Variants in ZMYND11 observed in about 807,000 individuals in gnomAD.
ZMYND11 encodes the protein zinc finger MYND-type containing 11.
In ZMYND11, 9 loss-of-function variants were observed where a neutral mutation model predicts 84.9. The observed-to-expected ratio is 0.11, with a 90% CI of 0.06 to 0.18. The LOEUF is 0.18. ZMYND11 is among the 10% of genes least tolerant of loss of function. ZMYND11 has a pLI of 1.00. For synonymous variants in ZMYND11, 250 were observed against 244.1 expected, an observed-to-expected ratio of 1.02 and a Z score of -0.23; for missense variants, 409 against 761.0, an observed-to-expected ratio of 0.54 and a Z score of 5.44.
Position 224,270 on chromosome 10 carries a change from A to C in ZMYND11, c.438+2914A>C, listed in dbSNP as rs76244380. Among the ~76,000 whole-genome samples the C allele has an allele frequency of 9.9e-4, 151 of 152,310 alleles. 3 individuals are homozygous for C. The East Asian group carries it at 0.021, about 21-fold the overall frequency. ...TATCTTACGTATCTATTTCTGAAAT[A>C]TTTTAACAGGACAGTAATAGGCATT... On this transcript the variant is annotated intron_variant, in intron 4 of 14. Transcript: ENST00000381604.
chr10:159,502 G>A (rs1554760896), intron 1 of ZMYND11, among the ~76,000 whole-genome samples: 1 of 151,990 alleles, frequency 6.6e-6, no homozygotes, highest in Non-Finnish European at 1.5e-5. Context: ...GATAAATTAA[G>A]CATCTTTTAA....
At chr10:217,624 G>T (rs540504497) in intron 3 of ZMYND11, among the ~76,000 whole-genome samples, 50 of 151,990 alleles carry the variant, frequency 3.3e-4, no homozygotes, top group African/African-American at 1.1e-3. Context: ...CTATCATTTT[G>T]TGACTTGGTC....
At chr10:210,117 C>T in intron 3 of ZMYND11, 69 bp downstream of exon 3, 3 of 1,502,198 alleles carry the variant, frequency 2.0e-6, no homozygotes, top group South Asian at 1.2e-5. Flanking sequence ...TTAGATACAA[C>T]CTATAGAAAA....
intron 4 of ZMYND11, among the ~76,000 whole-genome samples, chr10:233,095 AAC>A (rs1291720995): frequency 2.0e-5 from 3 of 152,198 alleles, no homozygotes; most frequent in Non-Finnish European, 4.4e-5. Flanking sequence ...CAGTGCTCTT[AAC>A]CACACCTATC....
chr10:171,731 G>C (rs566974922), intron 1 of ZMYND11, among the ~76,000 whole-genome samples: 1 of 152,232 alleles, frequency 6.6e-6, no homozygotes, highest in East Asian at 1.9e-4. Context: ...GAGCTTCCTT[G>C]ACTTGTTAAA....
chr10:195,546 A>G (rs776403776), intron 2 of ZMYND11, among the ~76,000 whole-genome samples: 2 of 152,240 alleles, frequency 1.3e-5, no homozygotes, highest in Non-Finnish European at 2.9e-5. Flanking sequence ...GATACATAAT[A>G]TTAAGAAAGT....
At chr10:220,153 G>C (rs1946903162) in intron 3 of ZMYND11, among the ~76,000 whole-genome samples, 1 of 152,040 alleles carries the variant, frequency 6.6e-6, no homozygotes, top group African/African-American at 2.4e-5. Context: ...CAGTAAAGCT[G>C]TTCCACCTTG....
upstream of ZMYND11, among the ~76,000 whole-genome samples, chr10:132,822 T>C (rs940313475): frequency 3.3e-5 from 5 of 152,178 alleles, no homozygotes; most frequent in Non-Finnish European, 5.9e-5. Flanking sequence ...TCCCACGTCT[T>C]GGTCCTGCAG....
At chr10:194,697 T>G (rs1300476202) in intron 2 of ZMYND11, among the ~76,000 whole-genome samples, 1 of 152,204 alleles carries the variant, frequency 6.6e-6, no homozygotes, top group Admixed American at 6.5e-5. Context: ...TACTGACCAA[T>G]TATAACTTCT....
At chr10:220,083 T>C (rs777775296) in intron 3 of ZMYND11, among the ~76,000 whole-genome samples, 17 of 152,144 alleles carry the variant, frequency 1.1e-4, no homozygotes, top group Non-Finnish European at 2.4e-4. Context: ...AAGTTGCTGC[T>C]TATGGAGTGA....
intron 10 of ZMYND11, 135 bp from the exon 11 acceptor site, chr10:246,631 C>G: frequency 2.6e-6 from 2 of 775,866 alleles, no homozygotes. Context: ...CCCACAATTG[C>G]TTTTGCACCA....
chr10:233,774 C>T (rs534770049), intron 4 of ZMYND11, among the ~76,000 whole-genome samples: 8 of 152,300 alleles, frequency 5.3e-5, no homozygotes, highest in South Asian at 2.1e-4. Flanking sequence ...AGACTTTCAT[C>T]CTCTATTATA....
At chr10:247,121 A>G in intron 11 of ZMYND11, 148 bp downstream of exon 11, 1 of 883,772 alleles carries the variant, frequency 1.1e-6, no homozygotes. Flanking sequence ...CTAAACCAAA[A>G]GCAGTTCAAA....
intron 4 of ZMYND11, among the ~76,000 whole-genome samples, chr10:222,255 G>A (rs1372387956): frequency 2.0e-5 from 3 of 151,968 alleles, no homozygotes; most frequent in Non-Finnish European, 2.9e-5. Flanking sequence ...GGCATTAGTC[G>A]AAAATTTCCT....
At chr10:185,282 G>T (rs1937912850) in intron 2 of ZMYND11, among the ~76,000 whole-genome samples, 1 of 152,006 alleles carries the variant, frequency 6.6e-6, no homozygotes, top group Admixed American at 6.5e-5. Flanking sequence ...AATCAGGATT[G>T]TAGCTCTCAG....
At chr10:239,602 A>C (rs1021626897) in intron 7 of ZMYND11, 77 bp downstream of exon 7, 1 of 1,029,952 alleles carries the variant, frequency 9.7e-7, no homozygotes, top group Non-Finnish European at 1.5e-6. Flanking sequence ...ATCTTTTATA[A>C]AACATTACTT....
intron 4 of ZMYND11, among the ~76,000 whole-genome samples, chr10:232,196 T>C (rs1949118571): frequency 2.0e-5 from 3 of 152,216 alleles, no homozygotes; most frequent in Admixed American, 6.5e-5. Flanking sequence ...TTTTCTCAAG[T>C]CATTGAAAAT....
At chr10:239,882 G>A in intron 7 of ZMYND11, 174 bp from the exon 8 acceptor site, 1 of 571,706 alleles carries the variant, frequency 1.7e-6, no homozygotes. Context: ...TGGTTGTATT[G>A]GATGGAAAAC....
chr10:246,661 C>G (rs997158695), intron 10 of ZMYND11, 105 bp from the exon 11 acceptor site: 17 of 1,076,174 alleles, frequency 1.6e-5, no homozygotes, highest in Non-Finnish European at 1.9e-5. Context: ...ACGAGAACTG[C>G]CACAGGTCGC....
Sources: gnomAD v4.1 joint callset for allele counts (sites outside exome capture counted in the v4.1 genomes callset) on GRCh38, gnomAD v4.1.1 for gene constraint, MANE v1.5 for transcripts, NCBI Gene and HGNC (gene_info 2026-07-23, HGNC 2026-07-21) for gene names.